CSMD1: variants seen among roughly 807,000 people sequenced by gnomAD.
The protein encoded by CSMD1 is CUB and sushi domain-containing protein 1.
In CSMD1, 213 loss-of-function variants were observed where a neutral mutation model predicts 417.5. The ratio of observed to expected loss-of-function variants is 0.51; its 90% confidence interval spans 0.46 to 0.57. CSMD1 has a LOEUF of 0.57. Among genes scored for constraint, CSMD1 ranks in the 20% least tolerant of loss-of-function variants. CSMD1 has a pLI of 0.00. For synonymous variants in CSMD1, 2,862 were observed against 1,736.8 expected (o/e 1.65, Z -16.11); for missense variants, 6,923 against 4,529.7 (o/e 1.53, Z -15.17).
chr8:3,214,778 T>C, intron 29 of CSMD1, 87 bp from the exon 30 acceptor site: 3 of 1,056,152 alleles, frequency 2.8e-6, no homozygotes, highest in South Asian at 3.3e-5. Flanking sequence ...TCTTTAATTG[T>C]GTTATTTAGG....
intron 5 of CSMD1, among the ~76,000 whole-genome samples, chr8:3,993,414 G>A (rs1362244349): frequency 6.6e-6 from 1 of 152,280 alleles, no homozygotes; most frequent in South Asian, 2.1e-4. Flanking sequence ...GACAAGTTGG[G>A]TAAACACTGG....
chr8:3,283,260 G>A (rs894988312), intron 26 of CSMD1, among the ~76,000 whole-genome samples: 16 of 152,120 alleles, frequency 1.1e-4, no homozygotes, highest in Admixed American at 2.0e-4. Context: ...TTAGCAGGTT[G>A]TTTGCAGAGA....
intron 50 of CSMD1, among the ~76,000 whole-genome samples, chr8:3,035,046 G>C (rs1036323473): frequency 2.6e-5 from 4 of 152,090 alleles, no homozygotes; most frequent in African/African-American, 9.7e-5. Flanking sequence ...TAAGACTTAA[G>C]ACAAAGTGGA....
intron 1 of CSMD1, among the ~76,000 whole-genome samples, chr8:4,885,285 AG>A (rs1803664850): frequency 6.6e-6 from 1 of 152,048 alleles, no homozygotes; most frequent in African/African-American, 2.4e-5. Context: ...AATGAGAGAT[AG>A]TTTTCCTTCT....
In CSMD1 at chr8:4,994,439, C is replaced by G; in HGVS notation, c.-23G>C. ...CATGTCTGCAGATACTCCACACGCA[C>G]GCGACACCGATGGCTCCTCCGAGGA... On this transcript the variant is annotated 5_prime_UTR_variant, in exon 1 of 70. Transcript: ENST00000635120. 1 of 1,601,262 alleles carries G rather than the reference C, an allele frequency of 6.2e-7. No individual in the cohort carries two copies.
intron 2 of CSMD1, among the ~76,000 whole-genome samples, chr8:4,614,752 A>G (rs1448532842): frequency 6.6e-6 from 1 of 152,200 alleles, no homozygotes; most frequent in Non-Finnish European, 1.5e-5. Flanking sequence ...AAAGACTGTC[A>G]CCTGAGATAA....
At position 4,717,336 on chromosome 8, in the gene CSMD1, C is replaced by T. The variant is rs1191028589; in HGVS notation, c.86-79778G>A. On this transcript the variant is annotated intron_variant, in intron 1 of 69. Transcript: ENST00000635120. ...ATATATATATATATATACACACACACACGTATATATACACACACATATATA... is the reference window on the plus strand; with the variant it reads ...ATATATATATATATATACACACACATACGTATATATACACACACATATATA... Among the ~76,000 whole-genome samples the T allele has an allele frequency of 2.4e-4, 26 of 109,454 alleles. 1 individual carries two copies. Among genetic ancestry groups the T allele is most frequent in the African/African-American group, 5.5e-4 (12 of 21,844 alleles). The allele number at this position is 109,454 out of a possible 152,430, so 71.8% of individuals were successfully genotyped here. A position where few individuals can be genotyped will look rare whatever the true frequency, so the allele number is the denominator to read the frequency against.
At chr8:3,091,693 G>A (rs1408678822) in intron 47 of CSMD1, 31 bp from the exon 48 acceptor site, 1 of 1,592,504 alleles carries the variant, frequency 6.3e-7, no homozygotes, top group African/African-American at 1.3e-5. Flanking sequence ...AAAACATTCA[G>A]AGATGAGTGA....
chr8:4,516,979 G>T (rs1277094664), intron 2 of CSMD1, among the ~76,000 whole-genome samples: 5 of 151,992 alleles, frequency 3.3e-5, no homozygotes, highest in African/African-American at 1.2e-4. Flanking sequence ...AGATGAAAAC[G>T]CTAAGAGCAG....
chr8:3,170,855 T>C (rs2129043797), intron 37 of CSMD1, among the ~76,000 whole-genome samples: 1 of 152,322 alleles, frequency 6.6e-6, no homozygotes, highest in East Asian at 1.9e-4. Flanking sequence ...TGGACATTAT[T>C]ACCTAATAAT....
At chr8:3,864,465 G>C (rs975323266) in intron 5 of CSMD1, among the ~76,000 whole-genome samples, 4 of 152,130 alleles carry the variant, frequency 2.6e-5, no homozygotes, top group African/African-American at 9.7e-5. Flanking sequence ...AAAAGAGGGA[G>C]GAAGACACTT....
intron 5 of CSMD1, among the ~76,000 whole-genome samples, chr8:3,786,622 T>A (rs970357741): frequency 5.3e-5 from 8 of 152,136 alleles, no homozygotes; most frequent in African/African-American, 1.9e-4. Flanking sequence ...AGCAGTTGCT[T>A]AAATCTAGCA....
At chr8:4,980,699 C>T (rs73497769) in intron 1 of CSMD1, among the ~76,000 whole-genome samples, 2,515 of 152,116 alleles carry the variant, frequency 0.017, 59 homozygotes, top group African/African-American at 0.057. Context: ...GATCAGGAGT[C>T]CAAGACCAGC....
intron 5 of CSMD1, among the ~76,000 whole-genome samples, chr8:3,809,363 C>T (rs775021225): frequency 6.6e-6 from 1 of 152,180 alleles, no homozygotes; most frequent in Non-Finnish European, 1.5e-5. Context: ...TTGTTTATCA[C>T]TGTTCTACTC....
At chr8:3,248,523 C>T (rs1319948462) in intron 26 of CSMD1, among the ~76,000 whole-genome samples, 5 of 85,946 alleles carry the variant, frequency 5.8e-5, no homozygotes, top group South Asian at 4.8e-4. Context: ...AATTCCCTCC[C>T]TTTTTTTTTT....
chr8:3,395,980 T>C lies in CSMD1; in HGVS notation c.2593+214A>G, dbSNP rs1372574583. ...TATTATTTTACTTTGTCATACGCGA[T>C]GGATACGTATTTTTGAGAGTTAAAA... On this transcript the variant is annotated intron_variant, in intron 17 of 69. Coordinates refer to ENST00000635120, the MANE Select transcript of CSMD1 (RefSeq NM_033225.6). 2.6e-5 allele frequency among the ~76,000 whole-genome samples: 4 copies of C among 152,234 alleles called. No homozygotes were observed. In the East Asian group the frequency reaches 5.8e-4, roughly 22 times the overall value.
intron 1 of CSMD1, among the ~76,000 whole-genome samples, chr8:4,806,692 G>T (rs1798607625): frequency 6.6e-6 from 1 of 152,184 alleles, no homozygotes; most frequent in Admixed American, 6.5e-5. Context: ...CAGTGCCTGT[G>T]AGTTTCATGT....
At chr8:3,707,821 G>T (rs1444312873) in intron 7 of CSMD1, among the ~76,000 whole-genome samples, 2 of 152,122 alleles carry the variant, frequency 1.3e-5, no homozygotes, top group African/African-American at 2.4e-5. Context: ...TGATGACGAT[G>T]GGCATTTAGG....
At chr8:4,141,433 A>G (rs1004888872) in intron 3 of CSMD1, among the ~76,000 whole-genome samples, 3 of 151,230 alleles carry the variant, frequency 2.0e-5, no homozygotes, top group Non-Finnish European at 4.4e-5. Context: ...GATACCTATC[A>G]TTTAGATAGC....
Sources: allele counts gnomAD v4.1 joint callset (sites outside exome capture counted in the v4.1 genomes callset), GRCh38; gene constraint gnomAD v4.1.1; transcripts MANE v1.5; gene names NCBI Gene and HGNC (gene_info 2026-07-23, HGNC 2026-07-21).